JAG1: variants seen among roughly 807,000 people sequenced by gnomAD.
JAG1 encodes jagged canonical Notch ligand 1.
Under a neutral mutation model 148.7 loss-of-function variants are expected in JAG1, and 23 were observed. The ratio of observed to expected loss-of-function variants is 0.15; its 90% confidence interval spans 0.11 to 0.22. The LOEUF (loss-of-function observed/expected upper bound fraction) is 0.22. Ranked by LOEUF, JAG1 falls within the 10% of genes least tolerant of loss-of-function variation. JAG1 has a pLI of 1.00. For missense variants in JAG1, 1,054 were observed against 1,611.2 expected (o/e 0.65, Z 5.92); for synonymous variants, 572 against 598.3 (o/e 0.96, Z 0.64).
Position 10,645,765 on chromosome 20 carries a change from A to G in JAG1, c.1999+206T>C. On this transcript the variant is annotated intron_variant, in intron 15 of 25. Coordinates refer to ENST00000254958, the MANE Select transcript of JAG1 (RefSeq NM_000214.3). This position sits in a 1 kb window ranked among gnomAD's most constrained non-coding sequence, Gnocchi z 6.1. The stretch of plus-strand genomic sequence containing the variant: ...TATTTATTACACAGTCTAATTCTAT[A>G]GGTCCTCAGCAGAAGCTCCTCCCCA... 4.8e-6 allele frequency: 3 copies of G among 625,420 alleles called. No homozygotes were observed. 38.7% of individuals were successfully genotyped at this position (625,420 alleles called of 1,614,324 possible). A position where few individuals can be genotyped will look rare whatever the true frequency, so the allele number is the denominator to read the frequency against.
At chr20:10,660,472 G>T (rs529408617) in intron 3 of JAG1, among the ~76,000 whole-genome samples, 27 of 152,252 alleles carry the variant, frequency 1.8e-4, no homozygotes, top group Admixed American at 3.9e-4. Flanking sequence ...AAAGGGATCG[G>T]TTAAACACAC....
Position 10,673,329 on chromosome 20 carries a change from G to T in JAG1, c.81+121C>A, listed in dbSNP as rs2067511654. 3 of 778,442 alleles carry T rather than the reference G, an allele frequency of 3.9e-6. No individual in the cohort carries two copies. Among genetic ancestry groups the T allele is most frequent in the Middle Eastern group, 3.9e-4 (1 of 2,558 alleles). The allele number at this position is 778,442 out of a possible 1,614,324, so 48.2% of individuals were successfully genotyped here. ...TCAGCCCAGGTGCAGCCGCTCGGGC[G>T]CAGGGGCGAGGAGTCGGGCGCTCGA... is the stretch of plus-strand genomic sequence containing the variant. On this transcript the variant is annotated intron_variant, in intron 1 of 25. Transcript: ENST00000254958. This position sits in a 1 kb window ranked among gnomAD's most constrained non-coding sequence, Gnocchi z 4.7.
chr20:10,649,515 C>T lies in JAG1; in HGVS notation c.1348+7G>A. 1 of 1,550,004 alleles carries T rather than the reference C, an allele frequency of 6.5e-7. No homozygotes were observed. The highest frequency in any genetic ancestry group is 8.9e-7 in the Non-Finnish European group (1 of 1,121,546). On this transcript the variant is annotated splice_region_variant and intron_variant, in intron 10 of 25. Transcript: ENST00000254958. Reference sequence around the variant, plus strand: ...ATGAAAATCAAAATGGAAACAAAGTCACTCACTTATGTCACAATTCTGACC... The same window carrying T: ...ATGAAAATCAAAATGGAAACAAAGTTACTCACTTATGTCACAATTCTGACC...
At chr20:10,655,518 T>C (rs1288470443) in intron 5 of JAG1, among the ~76,000 whole-genome samples, 1 of 152,128 alleles carries the variant, frequency 6.6e-6, no homozygotes. Flanking sequence ...GACCTGCGTT[T>C]TAATAAGAGC....
intron 13 of JAG1, 149 bp from the exon 14 acceptor site, chr20:10,647,252 G>A (rs924359609): frequency 2.6e-5 from 21 of 821,232 alleles, no homozygotes; most frequent in African/African-American, 2.0e-4. Flanking sequence ...TACTGGCAAC[G>A]TGCCACATCA....
intron 2 of JAG1, among the ~76,000 whole-genome samples, chr20:10,668,465 C>T (rs951738524): frequency 6.6e-6 from 1 of 152,176 alleles, no homozygotes; most frequent in Non-Finnish European, 1.5e-5. Context: ...GGAGTATTTG[C>T]ATTTATGGAT....
At chr20:10,669,510 T>A (rs1265909020) in intron 2 of JAG1, among the ~76,000 whole-genome samples, 1 of 112,368 alleles carries the variant, frequency 8.9e-6, no homozygotes, top group Non-Finnish European at 1.7e-5. Context: ...AAAGCTGGCA[T>A]CCCTCACACA....
At chr20:10,656,328 C>T in intron 5 of JAG1, 70 bp downstream of exon 5, 1 of 1,277,788 alleles carries the variant, frequency 7.8e-7, no homozygotes, top group Admixed American at 1.7e-5. Flanking sequence ...GGCATAGTCA[C>T]AATAAAGTCA....
At chr20:10,664,677 G>A (rs981082585) in intron 2 of JAG1, among the ~76,000 whole-genome samples, 1 of 152,118 alleles carries the variant, frequency 6.6e-6, no homozygotes, top group African/African-American at 2.4e-5. Context: ...GCAGATCCCA[G>A]GGAAGAAAGT....
intron 25 of JAG1, among the ~76,000 whole-genome samples, chr20:10,640,571 A>G (rs1032544614): frequency 1.7e-4 from 26 of 152,226 alleles, no homozygotes; most frequent in African/African-American, 5.8e-4. Flanking sequence ...GGAACGTTGC[A>G]TAGTGTGTTG....
In JAG1 at chr20:10,641,912, G is replaced by A. The variant is rs1555827826; in HGVS notation, c.2573-20C>T. On this transcript the variant is annotated intron_variant, in intron 21 of 25. Coordinates refer to ENST00000254958, the MANE Select transcript of JAG1 (RefSeq NM_000214.3). ...CTGAAACTGACAGGTGGAGACGGGT[G>A]AGCAGTTTATTTTTCTGTGAACCGG... is the stretch of plus-strand genomic sequence containing the variant. 2 of 1,513,084 alleles carry A rather than the reference G, an allele frequency of 1.3e-6. No individual in the cohort carries two copies. The highest frequency in any genetic ancestry group is 1.7e-4 in the Middle Eastern group (1 of 5,902). 93.7% of individuals were successfully genotyped at this position (1,513,084 alleles called of 1,614,324 possible).
At chr20:10,657,881 A>G (rs975411266) in intron 4 of JAG1, among the ~76,000 whole-genome samples, 1 of 152,140 alleles carries the variant, frequency 6.6e-6, no homozygotes, top group African/African-American at 2.4e-5. Context: ...AGGGGCTATC[A>G]TTTCCTATAG....
At chr20:10,659,551 T>C (rs912731880) in intron 3 of JAG1, among the ~76,000 whole-genome samples, 15 of 142,282 alleles carry the variant, frequency 1.1e-4, no homozygotes, top group Admixed American at 4.4e-4. Context: ...AAGGAGACGA[T>C]TAAGTTACTT....
Position 10,641,642 on chromosome 20 carries a change from G to T in JAG1, c.2734C>A (p.Pro912Thr). 6.2e-7 allele frequency: 1 copy of T among 1,613,968 alleles called. No individual in the cohort carries two copies. The highest frequency in any genetic ancestry group is 8.5e-7 in the Non-Finnish European group (1 of 1,180,018). Residue 912 changes from proline (P) to threonine (T), a missense_variant, in exon 23 of 26, where the codon CCC becomes ACC. Transcript: ENST00000254958. Reference protein sequence around the residue: ...CLLHKGHSECPSGQSCIPILD... With the variant: ...CLLHKGHSECTSGQSCIPILD... Reference sequence around the variant, plus strand: ...ATGGGGATGCAGCTCTGCCCGCTGGGGCACTCGCTGTGCCCTTTGTGGAGC... The same window carrying T: ...ATGGGGATGCAGCTCTGCCCGCTGGTGCACTCGCTGTGCCCTTTGTGGAGC...
At chr20:10,658,099 T>G (rs1373067696) in intron 4 of JAG1, among the ~76,000 whole-genome samples, 1 of 151,974 alleles carries the variant, frequency 6.6e-6, no homozygotes, top group African/African-American at 2.4e-5. Context: ...AGCTCTAGAG[T>G]GCAAATTGTA....
chr20:10,660,411 T>C (rs2067408356), intron 3 of JAG1, among the ~76,000 whole-genome samples: 1 of 152,204 alleles, frequency 6.6e-6, no homozygotes, highest in Non-Finnish European at 1.5e-5. Context: ...CTCTGCTGGT[T>C]CAGTTAAAAA....
chr20:10,672,669 C>A, intron 2 of JAG1, 32 bp downstream of exon 2: 1 of 1,607,254 alleles, frequency 6.2e-7, no homozygotes. Flanking sequence ...GTGTGAGGCT[C>A]CGCCCGGCCT....
In JAG1 at chr20:10,673,040, G is replaced by A. The variant is rs748954000; in HGVS notation, c.82-34C>T. 3.1e-6 allele frequency: 5 copies of A among 1,596,534 alleles called. No individual in the cohort carries two copies. The highest frequency in any genetic ancestry group is 4.3e-6 in the Non-Finnish European group (5 of 1,176,218). ...GAGGGAAGGAGGTAGGTCAGCGCGG[G>A]AGAAAGCTGTTTTCTTCGAGTATAG... On this transcript the variant is annotated intron_variant, in intron 1 of 25. Coordinates refer to ENST00000254958, the MANE Select transcript of JAG1 (RefSeq NM_000214.3). This position sits in a 1 kb window ranked among gnomAD's most constrained non-coding sequence, Gnocchi z 4.7.
intron 3 of JAG1, among the ~76,000 whole-genome samples, chr20:10,663,113 GC>G (rs2067428518): frequency 1.3e-5 from 2 of 152,038 alleles, no homozygotes; most frequent in East Asian, 3.9e-4. Flanking sequence ...AGATAGAAAA[GC>G]AAAAAGTACA....
Sources: gnomAD v4.1 joint callset for allele counts (sites outside exome capture counted in the v4.1 genomes callset) on GRCh38, gnomAD v4.1.1 for gene constraint, Gnocchi (gnomAD v3.1) non-coding constraint, MANE v1.5 for transcripts, NCBI Gene and HGNC (gene_info 2026-07-23, HGNC 2026-07-21) for gene names.